ABHD18: variants seen among roughly 807,000 people sequenced by gnomAD.
ABHD18 encodes the protein cardiolipin-specific deacylase, mitochondrial.
In ABHD18, 55 loss-of-function variants were observed where a neutral mutation model predicts 65.9. The observed-to-expected ratio is 0.84, with a 90% confidence interval of 0.67 to 1.05. The LOEUF (loss-of-function observed/expected upper bound fraction) is 1.05. Ranked by LOEUF, ABHD18 falls within the 50% of genes least tolerant of loss-of-function variation. The pLI is 0.00. For missense variants in ABHD18, 533 were observed against 558.5 expected, an observed-to-expected ratio of 0.95 and a Z score of 0.46; for synonymous variants, 181 against 180.2, an observed-to-expected ratio of 1.00 and a Z score of -0.04.
intron 7 of ABHD18, among the ~76,000 whole-genome samples, chr4:128,014,589 T>C (rs1235797489): frequency 6.6e-6 from 1 of 152,158 alleles, no homozygotes; most frequent in Non-Finnish European, 1.5e-5. Context: ...AGAAATATAA[T>C]AATGGCCCTA....
intron 1 of ABHD18, among the ~76,000 whole-genome samples, chr4:127,976,368 G>GT (rs1039073399): frequency 1.3e-5 from 2 of 151,698 alleles, no homozygotes; most frequent in Admixed American, 6.6e-5. Context: ...GAAAAAAAAA[G>GT]TTTATTCTTC....
intron 3 of ABHD18, among the ~76,000 whole-genome samples, chr4:127,987,360 G>A (rs1246556334): frequency 6.6e-6 from 1 of 151,826 alleles, no homozygotes; most frequent in Non-Finnish European, 1.5e-5. Context: ...TCAAAAAATA[G>A]TAATAATAAT....
chr4:128,011,436 CCG>C (rs1389942834), intron 6 of ABHD18, among the ~76,000 whole-genome samples: 2 of 150,984 alleles, frequency 1.3e-5, no homozygotes, highest in African/African-American at 2.4e-5. Context: ...GCGTGAGCCA[CCG>C]CGCCCGGCCT....
At chr4:127,985,655 T>C (rs1391501127) in intron 3 of ABHD18, among the ~76,000 whole-genome samples, 2 of 152,056 alleles carry the variant, frequency 1.3e-5, no homozygotes, top group Admixed American at 1.3e-4. Flanking sequence ...ACCACCTAAT[T>C]CCATTTCCCT....
rs1323484239 is a variant in ABHD18 at position 127,972,928 on chromosome 4, T to A, written c.-18+7322T>A. On this transcript the variant is annotated intron_variant, in intron 1 of 12. Coordinates refer to ENST00000645843, the MANE Select transcript of ABHD18 (RefSeq NM_001358451.3). The stretch of plus-strand genomic sequence containing the variant: ...TTACTTTGTTTTGGTTTTTTTGTTG[T>A]TGTTTCTGACAAAGGTGTTAAGTGA... Among the ~76,000 whole-genome samples, 3 of 152,162 alleles carry A rather than the reference T, an allele frequency of 2.0e-5. No homozygotes were observed. The East Asian group carries it at 5.8e-4, about 29-fold the overall frequency.
rs565228884 is a variant in ABHD18 at position 127,996,387 on chromosome 4, C to A, written c.278+6566C>A. Among the ~76,000 whole-genome samples, 265 of 151,690 alleles carry A rather than the reference C, an allele frequency of 1.7e-3. 2 individuals carry two copies. Among genetic ancestry groups the A allele is most frequent in the South Asian group, 5.9e-3 (28 of 4,758 alleles). On this transcript the variant is annotated intron_variant, in intron 4 of 12. Transcript: ENST00000645843. ...GGGGTGTCATCACATATTGGTAGGA[C>A]CATGATGGCGACCCCGAGCCGCAAA...
chr4:128,006,170 A>G (rs1283410754), intron 4 of ABHD18, among the ~76,000 whole-genome samples: 1 of 152,236 alleles, frequency 6.6e-6, no homozygotes, highest in East Asian at 1.9e-4. Flanking sequence ...GAAATTAATT[A>G]GGTGGGTAGT....
chr4:127,991,312 C>T (rs768226103), intron 4 of ABHD18, among the ~76,000 whole-genome samples: 3 of 152,162 alleles, frequency 2.0e-5, no homozygotes, highest in Non-Finnish European at 2.9e-5. Flanking sequence ...CTGCACCCTC[C>T]GCCTCCCGGG....
chr4:127,992,711 T>C (rs1414742164), intron 4 of ABHD18, among the ~76,000 whole-genome samples: 1 of 151,996 alleles, frequency 6.6e-6, no homozygotes, highest in African/African-American at 2.4e-5. Context: ...GCTAATTTTT[T>C]TTAGTTTTTT....
intron 11 of ABHD18, among the ~76,000 whole-genome samples, chr4:128,029,511 T>G (rs1757904571): frequency 6.6e-6 from 1 of 151,720 alleles, no homozygotes; most frequent in African/African-American, 2.4e-5. Context: ...TGAGACCCTG[T>G]CCTTATCAAA....
At chr4:127,982,052 T>C (rs1749150877) in intron 1 of ABHD18, among the ~76,000 whole-genome samples, 1 of 152,028 alleles carries the variant, frequency 6.6e-6, no homozygotes, top group Non-Finnish European at 1.5e-5. Flanking sequence ...TGCAGGTTAT[T>C]AAAAAATGAA....
In ABHD18 at chr4:127,989,775, G is replaced by T. The variant is rs199789137; in HGVS notation, c.232G>T (p.Ala78Ser). ...AGATGGACACTTTGTTTCCCCCATG[G>T]CTCACTATGTGCCTGATATCATGCC... ...ILDGHFVSPM[A>S]HYVPDIMPIE... The change falls in exon 4 of 13, where the codon GCT (alanine) becomes TCT (serine). Residue 78 changes from alanine to serine, a missense_variant. Physicochemically the swap from Ala to Ser is moderately conservative, Grantham distance 99. Coordinates refer to ENST00000645843, the MANE Select transcript of ABHD18 (RefSeq NM_001358451.3). 1 of 1,601,962 alleles carries T rather than the reference G, an allele frequency of 6.2e-7. No homozygotes were observed. The highest frequency in any genetic ancestry group is 8.5e-7 in the Non-Finnish European group (1 of 1,174,078).
Position 128,021,125 on chromosome 4 carries a change from T to G in ABHD18, c.700-12T>G. 2 of 1,495,930 alleles carry G rather than the reference T, an allele frequency of 1.3e-6. No homozygotes were observed. Among genetic ancestry groups the G allele is most frequent in the Non-Finnish European group, 1.8e-6 (2 of 1,098,588 alleles). The allele number at this position is 1,495,930 out of a possible 1,614,324, so 92.7% of individuals were successfully genotyped here. A position where few individuals can be genotyped will look rare whatever the true frequency, so the allele number is the denominator to read the frequency against. ...TGATGTGGTTTGATCTTAATTTAGC[T>G]TATTATTTCAGGGTGTGTTGAGTAA... On this transcript the variant is annotated splice_polypyrimidine_tract_variant and intron_variant, in intron 9 of 12. Coordinates refer to ENST00000645843, the MANE Select transcript of ABHD18 (RefSeq NM_001358451.3).
chr4:127,974,952 C>T (rs1371661392), intron 1 of ABHD18, among the ~76,000 whole-genome samples: 3 of 144,104 alleles, frequency 2.1e-5, no homozygotes, highest in East Asian at 4.2e-4. Flanking sequence ...GCCGAGATCG[C>T]GCCATTGCAC....
At chr4:127,968,410 T>G (rs1397417081) in intron 1 of ABHD18, among the ~76,000 whole-genome samples, 2 of 152,232 alleles carry the variant, frequency 1.3e-5, no homozygotes, top group African/African-American at 4.8e-5. Context: ...ATTTAAAGTC[T>G]TCTTTTTTAG....
In ABHD18 at chr4:128,036,920, C is replaced by A. The variant is rs1553969313; in HGVS notation, c.*1107C>A. 1 of 151,996 alleles carries A rather than the reference C, an allele frequency of 6.6e-6. No homozygotes were observed. The highest frequency in any genetic ancestry group is 1.5e-5 in the Non-Finnish European group (1 of 68,066). The allele number at this position is 151,996 out of a possible 1,614,324, so 9.4% of individuals were successfully genotyped here. ...GATCACAAGGTCAGGAGTTTAAGAC[C>A]AGCCTGGCCAACATGGTGAAACCCC... On this transcript the variant is annotated 3_prime_UTR_variant, in exon 13 of 13. Coordinates refer to ENST00000645843, the MANE Select transcript of ABHD18 (RefSeq NM_001358451.3).
At chr4:127,996,726 C>A (rs1751796259) in intron 4 of ABHD18, among the ~76,000 whole-genome samples, 1 of 152,168 alleles carries the variant, frequency 6.6e-6, no homozygotes, top group African/African-American at 2.4e-5. Context: ...AAGACAGACA[C>A]TCCCAGAGCA....
intron 1 of ABHD18, among the ~76,000 whole-genome samples, chr4:127,966,248 T>C (rs559872670): frequency 5.9e-5 from 9 of 152,252 alleles, no homozygotes; most frequent in Non-Finnish European, 1.0e-4. Flanking sequence ...TAAATTACCG[T>C]TTTATTAGCG....
intron 6 of ABHD18, 34 bp downstream of exon 6, chr4:128,009,225 C>T (rs746799804): frequency 2.9e-5 from 38 of 1,302,186 alleles, no homozygotes; most frequent in Admixed American, 3.8e-5. Flanking sequence ...AATCTTTTGC[C>T]TTGTTTATTT....
Sources: allele counts gnomAD v4.1 joint callset (sites outside exome capture counted in the v4.1 genomes callset), GRCh38; gene constraint gnomAD v4.1.1; transcripts MANE v1.5; gene names NCBI Gene and HGNC (gene_info 2026-07-23, HGNC 2026-07-21).